The following ADGRV1 variants were observed in gnomAD, a reference collection of about 807,000 sequenced individuals.
ADGRV1 encodes adhesion G protein-coupled receptor V1, also known as G-protein coupled receptor 98.
In ADGRV1, 359 loss-of-function variants were observed where a neutral mutation model predicts 596.2. The ratio of observed to expected loss-of-function variants is 0.60; its 90% CI spans 0.55 to 0.66. ADGRV1 has a LOEUF of 0.66. Among genes scored for constraint, ADGRV1 ranks in the 30% least tolerant of loss-of-function variants. ADGRV1 has a pLI of 0.00. For synonymous variants in ADGRV1, 2,681 were observed against 2,679.2 expected (o/e 1.00, Z -0.02); for missense variants, 7,274 against 7,575.6 (o/e 0.96, Z 1.48).
At chr5:91,048,279 G>T (rs1786005222) in intron 85 of ADGRV1, among the ~76,000 whole-genome samples, 1 of 152,234 alleles carries the variant, frequency 6.6e-6, no homozygotes, top group Admixed American at 6.5e-5. Flanking sequence ...GAGGCCTAAT[G>T]GCCCTTCCAG....
intron 59 of ADGRV1, among the ~76,000 whole-genome samples, chr5:90,767,260 G>T (rs1468780237): frequency 6.6e-6 from 1 of 152,160 alleles, no homozygotes; most frequent in Non-Finnish European, 1.5e-5. Context: ...AGATTTGTCA[G>T]TCGTTTTATA....
chr5:90,848,777 C>G lies in ADGRV1; in HGVS notation c.17160C>G (p.Ala5720=), dbSNP rs2150388689. The G allele has an allele frequency of 1.9e-6, 3 of 1,587,944 alleles. No homozygotes were observed. Among genetic ancestry groups the G allele is most frequent in the Non-Finnish European group, 2.6e-6 (3 of 1,170,122 alleles). ...SHFAEVTENF[A]FSLLTNVTCG... is the part of the protein sequence containing the mutation. ...TTGCTGAAGTGACTGAGAATTTTGC[C>G]TTTTCTCTGCTGACTAATGTTACTT... Residue 5720 remains alanine, a synonymous_variant, in exon 79 of 90, where the codon GCC becomes GCG. Transcript: ENST00000405460.
At chr5:90,980,223 G>C (rs1438400278) in intron 84 of ADGRV1, among the ~76,000 whole-genome samples, 1 of 152,052 alleles carries the variant, frequency 6.6e-6, no homozygotes, top group East Asian at 1.9e-4. Flanking sequence ...CTAATGTTTA[G>C]AGTTATTAAA....
intron 1 of ADGRV1, among the ~76,000 whole-genome samples, chr5:90,569,383 ATATATTTTTTTTTTT>A (rs1271400322): frequency 5.7e-5 from 1 of 17,430 alleles, no homozygotes; most frequent in African/African-American, 2.7e-4. Context: ...ATATATATAT[ATATATTTTTTTTTTT>A]TTTTTTTTTT....
chr5:90,621,013 C>T (rs1218409915), intron 4 of ADGRV1, among the ~76,000 whole-genome samples: 1 of 152,136 alleles, frequency 6.6e-6, no homozygotes, highest in Non-Finnish European at 1.5e-5. Flanking sequence ...ATTCCTGTGG[C>T]TCTGGCCAAT....
chr5:90,847,766 A>G (rs112030012), intron 78 of ADGRV1, among the ~76,000 whole-genome samples: 18,500 of 152,210 alleles, frequency 0.12, 2,048 homozygotes, highest in African/African-American at 0.28. Flanking sequence ...TGGCCGCTGA[A>G]TGCGGGGCCC....
chr5:90,577,877 T>G (rs1757444985), intron 1 of ADGRV1, among the ~76,000 whole-genome samples: 1 of 152,142 alleles, frequency 6.6e-6, no homozygotes, highest in African/African-American at 2.4e-5. Flanking sequence ...CTCTTTGTAG[T>G]AACTGTGAAT....
chr5:91,034,833 T>C (rs1784735967), intron 85 of ADGRV1, among the ~76,000 whole-genome samples: 1 of 152,210 alleles, frequency 6.6e-6, no homozygotes, highest in Non-Finnish European at 1.5e-5. Context: ...TTGCCAAGGC[T>C]GGAGTGCAGT....
At chr5:90,847,673 G>C (rs936173927) in intron 78 of ADGRV1, among the ~76,000 whole-genome samples, 3 of 152,206 alleles carry the variant, frequency 2.0e-5, no homozygotes, top group Admixed American at 6.5e-5. Context: ...CAGGGAGGCA[G>C]CTAAGGCCCG....
chr5:91,133,641 T>C (rs934602905), intron 87 of ADGRV1, among the ~76,000 whole-genome samples: 7 of 152,236 alleles, frequency 4.6e-5, no homozygotes, highest in Non-Finnish European at 1.0e-4. Flanking sequence ...ACGACAATGT[T>C]ACAAAGACTC....
At chr5:91,143,770 C>T (rs1040425310) in intron 87 of ADGRV1, among the ~76,000 whole-genome samples, 1 of 152,212 alleles carries the variant, frequency 6.6e-6, no homozygotes, top group African/African-American at 2.4e-5. Context: ...GGCCTTCCCC[C>T]TCTACTCCAG....
chr5:91,041,142 T>A (rs1280613140), intron 85 of ADGRV1, among the ~76,000 whole-genome samples: 1 of 152,216 alleles, frequency 6.6e-6, no homozygotes, highest in Non-Finnish European at 1.5e-5. Context: ...ATTGGGTATA[T>A]ACCTAAAGGA....
intron 83 of ADGRV1, among the ~76,000 whole-genome samples, chr5:90,925,446 G>T (rs1774334059): frequency 6.6e-6 from 1 of 152,144 alleles, no homozygotes; most frequent in South Asian, 2.1e-4. Flanking sequence ...TATTATTGGT[G>T]TATAAGAGTG....
At position 90,646,023 on chromosome 5, in the gene ADGRV1, C is replaced by T; in HGVS notation, c.2954C>T (p.Ala985Val). The change falls in exon 16 of 90, where the codon GCT becomes GTT. Residue 985 changes from alanine to valine, a missense_variant. Transcript: ENST00000405460. Reference sequence around the variant, plus strand: ...ATCCTACTGAATGGCACTGGAGGAGCTAAAGTGGGAAATAGAACAACTGCA... The same window carrying T: ...ATCCTACTGAATGGCACTGGAGGAGTTAAAGTGGGAAATAGAACAACTGCA... ...TVILLNGTGG[A>V]KVGNRTTATL... 6.2e-7 allele frequency: 1 copy of T among 1,605,534 alleles called. No individual in the cohort carries two copies. The highest frequency in any genetic ancestry group is 8.5e-7 in the Non-Finnish European group (1 of 1,175,176).
chr5:90,599,152 A>G (rs917670252), intron 1 of ADGRV1, among the ~76,000 whole-genome samples: 1 of 152,216 alleles, frequency 6.6e-6, no homozygotes, highest in Admixed American at 6.5e-5. Context: ...AGAAAAACAC[A>G]GGTGTACTTA....
intron 48 of ADGRV1, among the ~76,000 whole-genome samples, chr5:90,727,454 G>T (rs1751946785): frequency 6.6e-6 from 1 of 151,954 alleles, no homozygotes; most frequent in African/African-American, 2.4e-5. Flanking sequence ...TGTCCTCCTA[G>T]CTGTTCTCTG....
At chr5:90,579,782 G>A (rs1757730842) in intron 1 of ADGRV1, among the ~76,000 whole-genome samples, 1 of 152,130 alleles carries the variant, frequency 6.6e-6, no homozygotes, top group African/African-American at 2.4e-5. Context: ...TTATGAATCC[G>A]GGTGCTCCTG....
chr5:91,080,577 C>T (rs1164477023), intron 86 of ADGRV1, among the ~76,000 whole-genome samples: 5 of 138,930 alleles, frequency 3.6e-5, no homozygotes, highest in Non-Finnish European at 6.1e-5. Flanking sequence ...CACCCAGCTC[C>T]GCACACCCTG....
chr5:90,713,381 CA>C, intron 42 of ADGRV1, among the ~76,000 whole-genome samples: 1 of 144,810 alleles, frequency 6.9e-6, no homozygotes, highest in South Asian at 2.2e-4. Context: ...GTTTCAAGTT[CA>C]AAGAGTATAT....
Sources: gnomAD v4.1 joint callset for allele counts (sites outside exome capture counted in the v4.1 genomes callset) on GRCh38, gnomAD v4.1.1 for gene constraint, MANE v1.5 for transcripts, NCBI Gene and HGNC (gene_info 2026-07-23, HGNC 2026-07-21) for gene names.